The following DNAH6 variants were observed in gnomAD, a reference collection of about 807,000 sequenced individuals.
The protein encoded by DNAH6 is axonemal beta dynein heavy chain 6.
DNAH6 carries 340 observed loss-of-function variants against 491.4 expected under a neutral mutation model. The observed-to-expected ratio is 0.69, with a 90% CI of 0.63 to 0.76. The LOEUF (loss-of-function observed/expected upper bound fraction) is 0.76, where lower values mean the gene tolerates loss of function less well. Ranked by LOEUF, DNAH6 falls within the 30% of genes least tolerant of loss-of-function variation. The pLI, the probability that DNAH6 is intolerant of heterozygous loss-of-function variation, is 0.00. For missense variants in DNAH6, 4,443 were observed against 4,972.2 expected (o/e 0.89, Z 3.20); for synonymous variants, 1,603 against 1,686.1 (o/e 0.95, Z 1.21).
chr2:84,602,294 T>A (rs1316703168), intron 18 of DNAH6, among the ~76,000 whole-genome samples: 1 of 152,050 alleles, frequency 6.6e-6, no homozygotes, highest in Non-Finnish European at 1.5e-5. Flanking sequence ...TCCTCGGTTT[T>A]TATTTTGAGG....
chr2:84,818,132 A>G (rs1559076719), intron 76 of DNAH6, among the ~76,000 whole-genome samples: 2 of 152,190 alleles, frequency 1.3e-5, no homozygotes, highest in Non-Finnish European at 2.9e-5. Context: ...CAAGGATCAA[A>G]AGAAACTCTT....
chr2:84,680,767 G>A (rs1693705285), intron 41 of DNAH6, among the ~76,000 whole-genome samples: 1 of 152,010 alleles, frequency 6.6e-6, no homozygotes, highest in South Asian at 2.1e-4. Flanking sequence ...AGGATGGGGT[G>A]ATGTCCGGGG....
At chr2:84,488,497 A>G in the DNAH6 span, among the ~76,000 whole-genome samples, 2 of 152,138 alleles carry the variant, frequency 1.3e-5, no homozygotes, top group South Asian at 4.1e-4. Context: ...AGGCTCTAGG[A>G]GTGAATCTTT....
At chr2:84,499,597 G>A in the DNAH6 span, among the ~76,000 whole-genome samples, 1 of 152,116 alleles carries the variant, frequency 6.6e-6, no homozygotes, top group Non-Finnish European at 1.5e-5. Context: ...TCAATTTTTA[G>A]TTTTTTGAGG....
At chr2:84,789,098 T>C (rs562295809) in intron 68 of DNAH6, among the ~76,000 whole-genome samples, 1 of 152,298 alleles carries the variant, frequency 6.6e-6, no homozygotes, top group African/African-American at 2.4e-5. Flanking sequence ...ATAGGGACAG[T>C]GCCCCAAACA....
intron 56 of DNAH6, 27 bp downstream of exon 56, chr2:84,710,439 G>T (rs1245329196): frequency 6.5e-6 from 10 of 1,549,798 alleles, no homozygotes; most frequent in Non-Finnish European, 8.7e-6. Context: ...CTTTTCTCAT[G>T]TCAGTTCCCA....
At chr2:84,585,110 C>T (rs74533280) in intron 15 of DNAH6, among the ~76,000 whole-genome samples, 8 of 152,112 alleles carry the variant, frequency 5.3e-5, no homozygotes, top group South Asian at 4.1e-4. Context: ...AAGCAGTGTT[C>T]GAAGGACTTG....
intron 4 of DNAH6, among the ~76,000 whole-genome samples, chr2:84,535,693 A>T (rs1244262604): frequency 6.6e-6 from 1 of 151,848 alleles, no homozygotes; most frequent in Non-Finnish European, 1.5e-5. Context: ...CAAAAAAAAA[A>T]AAAAATCAGT....
At chr2:84,745,684 A>G (rs1264294190) in intron 63 of DNAH6, among the ~76,000 whole-genome samples, 3 of 151,330 alleles carry the variant, frequency 2.0e-5, no homozygotes, top group Non-Finnish European at 4.4e-5. Flanking sequence ...AAAAAAAAAA[A>G]GAAACATGGT....
chr2:84,621,132 G>A, intron 24 of DNAH6, 59 bp from the exon 25 acceptor site: 1 of 1,500,620 alleles, frequency 6.7e-7, no homozygotes, highest in South Asian at 1.2e-5. Flanking sequence ...AAATACAGAA[G>A]GCATACAGCT....
At position 84,654,846 on chromosome 2, in the gene DNAH6, A is replaced by G. The variant is rs1244203142; in HGVS notation, c.5757+64A>G. On this transcript the variant is annotated intron_variant, in intron 35 of 76. Coordinates refer to ENST00000389394, the MANE Select transcript of DNAH6 (RefSeq NM_001370.2). ...CAGGACTCATGTTGCCTTCTAGTGCACAAATAACAATAGGTTAAGGACTCA... is the reference window on the plus strand; with the variant it reads ...CAGGACTCATGTTGCCTTCTAGTGCGCAAATAACAATAGGTTAAGGACTCA... 3 of 1,516,560 alleles carry G rather than the reference A, an allele frequency of 2.0e-6. No homozygotes were observed. The East Asian group carries it at 7.4e-5, about 38-fold the overall frequency. The allele number at this position is 1,516,560 out of a possible 1,614,324, so 93.9% of individuals were successfully genotyped here. A position where few individuals can be genotyped will look rare whatever the true frequency, so the allele number is the denominator to read the frequency against.
chr2:84,624,895 T>G lies in DNAH6; in HGVS notation c.4354-7T>G. The stretch of plus-strand genomic sequence containing the variant: ...CCTTCATATTGATAATGCATTGCTT[T>G]CTTCAGGATCGCTGCTATCTTTGCC... On this transcript the variant is annotated splice_polypyrimidine_tract_variant and splice_region_variant and intron_variant, in intron 28 of 76. Transcript: ENST00000389394. 1 of 1,541,066 alleles carries G rather than the reference T, an allele frequency of 6.5e-7. No individual in the cohort carries two copies. Among genetic ancestry groups the G allele is most frequent in the Non-Finnish European group, 8.8e-7 (1 of 1,142,832 alleles).
At chr2:84,665,809 T>G (rs531496290) in intron 37 of DNAH6, among the ~76,000 whole-genome samples, 2 of 152,060 alleles carry the variant, frequency 1.3e-5, no homozygotes, top group African/African-American at 4.8e-5. Flanking sequence ...AAAAGAGAAT[T>G]TTAGACCAAT....
the DNAH6 span, among the ~76,000 whole-genome samples, chr2:84,507,249 T>A: frequency 6.6e-6 from 1 of 152,186 alleles, no homozygotes; most frequent in Non-Finnish European, 1.5e-5. Context: ...CATTGAGCAG[T>A]GGTTTGTAGT....
At chr2:84,472,237 T>C in the DNAH6 span, among the ~76,000 whole-genome samples, 26 of 151,808 alleles carry the variant, frequency 1.7e-4, no homozygotes, top group Non-Finnish European at 1.5e-5. Flanking sequence ...TTTGAAAGTA[T>C]GATTAGCTCT....
intron 37 of DNAH6, among the ~76,000 whole-genome samples, chr2:84,667,249 G>A (rs1486550298): frequency 1.3e-5 from 2 of 152,020 alleles, no homozygotes; most frequent in South Asian, 2.1e-4. Flanking sequence ...TTGACAAATG[G>A]GATCTAATTA....
rs907743128 is a variant in DNAH6 at position 84,814,111 on chromosome 2, A to G, written c.12139A>G (p.Met4047Val). The G allele has an allele frequency of 7.1e-6, 11 of 1,551,532 alleles. No homozygotes were observed. The highest frequency in any genetic ancestry group is 3.9e-5 in the Admixed American group (2 of 50,982). Residue 4047 changes from methionine (M) to valine (V), a missense_variant, in exon 75 of 77, where the codon ATG (methionine) becomes GTG (valine). Met to Val is a conservative substitution (Grantham distance 21). This residue lies in a region of DNAH6 where 1,463 missense variants were observed against 1,656.6 expected (regional missense o/e 0.88). Transcript: ENST00000389394. ...AGTGCAATTTGGACAAGAACTGCCC[A>G]TGGACATGGAGGTATTGTCCACCTG... ...KTVQFGQELP[M>V]DMELPSPEDG...
At chr2:84,692,327 T>C (rs1694936196) in intron 45 of DNAH6, among the ~76,000 whole-genome samples, 1 of 152,202 alleles carries the variant, frequency 6.6e-6, no homozygotes, top group African/African-American at 2.4e-5. Flanking sequence ...AGTGACCATG[T>C]GATGTTTTCA....
At chr2:84,477,302 A>G in the DNAH6 span, among the ~76,000 whole-genome samples, 1 of 152,208 alleles carries the variant, frequency 6.6e-6, no homozygotes, top group Non-Finnish European at 1.5e-5. Flanking sequence ...TGGGAATACA[A>G]TCAATCTAGG....
Sources: gnomAD v4.1 joint callset for allele counts (sites outside exome capture counted in the v4.1 genomes callset) on GRCh38, gnomAD v4.1.1 for gene constraint, gnomAD v4.1.1 regional missense constraint, MANE v1.5 for transcripts, NCBI Gene and HGNC (gene_info 2026-07-23, HGNC 2026-07-21) for gene names.